ZNF469: variants seen among roughly 807,000 people sequenced by gnomAD.
The protein encoded by ZNF469 is zinc finger protein 469.
ZNF469 carries 1 observed loss-of-function variant against 1.0 expected under a neutral mutation model. The observed-to-expected ratio is 1.00, with a 90% CI of 0.35 to 4.73. The LOEUF (loss-of-function observed/expected upper bound fraction) is 4.73. Ranked by LOEUF, ZNF469 falls within the 30% of genes most tolerant of loss-of-function variation. The pLI, the probability that ZNF469 is intolerant of heterozygous loss-of-function variation, is 0.16. For missense variants in ZNF469, 6,100 were observed against 5,356.3 expected (o/e 1.14, Z -4.33); for synonymous variants, 2,703 against 2,363.4 (o/e 1.14, Z -4.17).
At chr16:88,203,877 G>C in the ZNF469 span, among the ~76,000 whole-genome samples, 1 of 152,182 alleles carries the variant, frequency 6.6e-6, no homozygotes, top group East Asian at 1.9e-4. Context: ...ACACTCACAC[G>C]GGTCGGGGGT....
the ZNF469 span, among the ~76,000 whole-genome samples, chr16:88,204,186 G>A: frequency 2.7e-5 from 4 of 149,152 alleles, no homozygotes; most frequent in Non-Finnish European, 4.5e-5. Flanking sequence ...CAGAGCAGCC[G>A]GAGGCGCCCC....
chr16:88,287,761 T>G, the ZNF469 span, among the ~76,000 whole-genome samples: 1 of 152,340 alleles, frequency 6.6e-6, no homozygotes, highest in African/African-American at 2.4e-5. Flanking sequence ...GTTTTAAGCA[T>G]TATGCATTCA....
At chr16:88,132,837 C>G in the ZNF469 span, among the ~76,000 whole-genome samples, 1 of 152,202 alleles carries the variant, frequency 6.6e-6, no homozygotes, top group Non-Finnish European at 1.5e-5. Context: ...GCATCAGTTA[C>G]AGGAGGGTGA....
chr16:88,422,499 GTGATGGGTGGA>G (rs1166787148), intron 1 of ZNF469, among the ~76,000 whole-genome samples: 1 of 142,464 alleles, frequency 7.0e-6, no homozygotes, highest in Non-Finnish European at 1.5e-5. Flanking sequence ...AGATGGGTGA[GTGATGGGTGGA>G]TGATGGGTGG....
the ZNF469 span, chr16:88,192,301 G>A: frequency 6.6e-6 from 1 of 152,186 alleles, no homozygotes; most frequent in African/African-American, 2.4e-5. Context: ...TAGAGCCTCA[G>A]CTTCCTTTCC....
chr16:88,379,711 C>A (rs2092516280), upstream of ZNF469, among the ~76,000 whole-genome samples: 1 of 152,188 alleles, frequency 6.6e-6, no homozygotes, highest in African/African-American at 2.4e-5. Flanking sequence ...CAAAGTGACT[C>A]CTGATGCTGC....
chr16:88,313,738 C>T, the ZNF469 span, among the ~76,000 whole-genome samples: 1 of 151,482 alleles, frequency 6.6e-6, no homozygotes, highest in South Asian at 2.1e-4. Context: ...ACTGTCATCT[C>T]TGTAATTCAG....
the ZNF469 span, among the ~76,000 whole-genome samples, chr16:88,116,417 T>C: frequency 0.18 from 27,285 of 152,162 alleles, 3,093 homozygotes; most frequent in East Asian, 0.48. Context: ...GGAATGCAAA[T>C]GGCATGGCCA....
At chr16:88,179,349 C>T in the ZNF469 span, among the ~76,000 whole-genome samples, 1 of 152,176 alleles carries the variant, frequency 6.6e-6, no homozygotes, top group African/African-American at 2.4e-5. Flanking sequence ...AGCGTGGCCC[C>T]TCCCTCCCTT....
At chr16:88,184,007 G>A in the ZNF469 span, among the ~76,000 whole-genome samples, 5 of 152,000 alleles carry the variant, frequency 3.3e-5, no homozygotes, top group Non-Finnish European at 7.4e-5. Flanking sequence ...TTCCTACCGG[G>A]AAGGAGGAAC....
the ZNF469 span, among the ~76,000 whole-genome samples, chr16:88,308,971 C>T: frequency 2.0e-5 from 3 of 152,152 alleles, no homozygotes; most frequent in African/African-American, 7.2e-5. Flanking sequence ...GCTTGAGGTC[C>T]CCCCAGTGGC....
At chr16:88,354,463 C>G in the ZNF469 span, among the ~76,000 whole-genome samples, 1 of 152,120 alleles carries the variant, frequency 6.6e-6, no homozygotes, top group East Asian at 1.9e-4. Flanking sequence ...CAGCTGGGGT[C>G]AAGTCTGTGT....
chr16:88,364,641 T>C, the ZNF469 span, among the ~76,000 whole-genome samples: 1 of 152,224 alleles, frequency 6.6e-6, no homozygotes, highest in African/African-American at 2.4e-5. Flanking sequence ...TTAATTTCAC[T>C]TAGTGATGTC....
At chr16:88,260,453 G>C in the ZNF469 span, among the ~76,000 whole-genome samples, 16 of 152,166 alleles carry the variant, frequency 1.1e-4, no homozygotes, top group African/African-American at 3.6e-4. This position sits in a 1 kb window ranked among gnomAD's most constrained non-coding sequence, Gnocchi z 4.1. Flanking sequence ...GCCTCGCTCT[G>C]GGGACTGTCT....
chr16:88,348,892 T>C, the ZNF469 span, among the ~76,000 whole-genome samples: 1 of 152,120 alleles, frequency 6.6e-6, no homozygotes, highest in Non-Finnish European at 1.5e-5. Flanking sequence ...TGTATGTGTG[T>C]GCCTGCGTGT....
At chr16:88,336,426 A>G in the ZNF469 span, among the ~76,000 whole-genome samples, 1 of 150,992 alleles carries the variant, frequency 6.6e-6, no homozygotes. Context: ...TAACATGCCA[A>G]CATCACACAC....
the ZNF469 span, among the ~76,000 whole-genome samples, chr16:88,299,904 T>C: frequency 6.6e-6 from 1 of 152,160 alleles, no homozygotes; most frequent in Non-Finnish European, 1.5e-5. Flanking sequence ...AATGGCAGCA[T>C]TGCAGGGCGC....
At chr16:88,280,714 G>A in the ZNF469 span, among the ~76,000 whole-genome samples, 1 of 150,996 alleles carries the variant, frequency 6.6e-6, no homozygotes, top group African/African-American at 2.4e-5. Flanking sequence ...CCACACCGAT[G>A]CTTGGTCAGT....
At chr16:88,360,399 A>C in the ZNF469 span, among the ~76,000 whole-genome samples, 1 of 152,122 alleles carries the variant, frequency 6.6e-6, no homozygotes, top group African/African-American at 2.4e-5. Flanking sequence ...AATAAATACA[A>C]CCTAAAACCT....
Sources: allele counts gnomAD v4.1 joint callset (sites outside exome capture counted in the v4.1 genomes callset), GRCh38; gene constraint gnomAD v4.1.1; non-coding constraint Gnocchi (gnomAD v3.1); transcripts MANE v1.5; gene names NCBI Gene and HGNC (gene_info 2026-07-23, HGNC 2026-07-21).